Variants in PAPPA observed in about 807,000 individuals in gnomAD.
PAPPA encodes pappalysin-1.
In PAPPA, 60 loss-of-function variants were observed where a neutral mutation model predicts 164.0. The observed-to-expected ratio is 0.37, with a 90% CI of 0.30 to 0.45. PAPPA has a LOEUF of 0.45. PAPPA is among the 20% of genes least tolerant of loss of function. The probability of loss-of-function intolerance (pLI) is 1.00; values close to 1 mark genes in which losing one functional copy is unlikely to be tolerated. For missense variants in PAPPA, 1,782 were observed against 2,087.3 expected (o/e 0.85, Z 2.85); for synonymous variants, 875 against 814.1 (o/e 1.07, Z -1.27).
intron 9 of PAPPA, among the ~76,000 whole-genome samples, chr9:116,289,426 A>G (rs187003086): frequency 0.055 from 7,433 of 134,120 alleles, 319 homozygotes; most frequent in South Asian, 0.11. Flanking sequence ...TATAGCATAT[A>G]TATATATAGA....
chr9:116,264,580 C>T (rs1387497310), intron 7 of PAPPA, among the ~76,000 whole-genome samples: 2 of 152,150 alleles, frequency 1.3e-5, no homozygotes, highest in Non-Finnish European at 2.9e-5. Flanking sequence ...TCTTGTTGGC[C>T]TTAACCAAAC....
intron 21 of PAPPA, among the ~76,000 whole-genome samples, chr9:116,389,390 G>A (rs1358637944): frequency 6.6e-6 from 1 of 152,024 alleles, no homozygotes; most frequent in Non-Finnish European, 1.5e-5. Context: ...TTTAAATCCA[G>A]TCAGATCATA....
At chr9:116,233,302 T>C (rs569527374) in intron 6 of PAPPA, among the ~76,000 whole-genome samples, 3 of 152,340 alleles carry the variant, frequency 2.0e-5, no homozygotes, top group Admixed American at 1.3e-4. Flanking sequence ...AGGAGATGTG[T>C]TTCATATACT....
In PAPPA at chr9:116,347,223, C is replaced by A; in HGVS notation, c.3964+14C>A. The A allele has an allele frequency of 6.3e-7, 1 of 1,591,440 alleles. No individual in the cohort carries two copies. ...CACAATTGAAAGGTATCAAGAACGC[C>A]TTCCCCAGCTCAGCCTTCCTTTGTC... On this transcript the variant is annotated intron_variant, in intron 15 of 21. Coordinates refer to ENST00000328252, the MANE Select transcript of PAPPA (RefSeq NM_002581.5). The surrounding 1 kb of genome is among the most constrained non-coding windows in gnomAD (Gnocchi z 4.5).
At chr9:116,231,649 G>C (rs1389275475) in intron 6 of PAPPA, among the ~76,000 whole-genome samples, 1 of 146,338 alleles carries the variant, frequency 6.8e-6, no homozygotes, top group Non-Finnish European at 1.5e-5. Flanking sequence ...TGAATGCATG[G>C]AATGAATGGG....
At chr9:116,158,066 C>T (rs1004106801) in intron 1 of PAPPA, among the ~76,000 whole-genome samples, 11 of 152,192 alleles carry the variant, frequency 7.2e-5, no homozygotes, top group Admixed American at 2.0e-4. Flanking sequence ...GTCCCACTCC[C>T]CTTGCCTTAG....
intron 7 of PAPPA, among the ~76,000 whole-genome samples, chr9:116,260,253 C>G (rs1844985601): frequency 6.6e-6 from 1 of 152,058 alleles, no homozygotes; most frequent in Non-Finnish European, 1.5e-5. Flanking sequence ...AAATATGGCA[C>G]AATGTTATAA....
At chr9:116,391,696 C>G (rs1486592166) in intron 21 of PAPPA, among the ~76,000 whole-genome samples, 1 of 152,242 alleles carries the variant, frequency 6.6e-6, no homozygotes, top group South Asian at 2.1e-4. Flanking sequence ...AGGAGAGAAT[C>G]CTGGCCCTTA....
intron 12 of PAPPA, chr9:116,332,813 G>T: frequency 5.3e-6 from 1 of 189,314 alleles, no homozygotes; most frequent in East Asian, 1.3e-4. Context: ...GAGACCCAAA[G>T]AGAGGCACTG....
At chr9:116,359,105 T>C (rs1846390173) in intron 17 of PAPPA, among the ~76,000 whole-genome samples, 1 of 152,184 alleles carries the variant, frequency 6.6e-6, no homozygotes, top group African/African-American at 2.4e-5. Flanking sequence ...GTTGCCAAGC[T>C]TGCATTTGAA....
intron 10 of PAPPA, among the ~76,000 whole-genome samples, chr9:116,308,889 A>C (rs1484841292): frequency 6.6e-6 from 1 of 152,182 alleles, no homozygotes; most frequent in Non-Finnish European, 1.5e-5. Context: ...TGCATGTAAA[A>C]ATTATTTCTT....
At chr9:116,267,185 A>C (rs1011448530) in intron 8 of PAPPA, among the ~76,000 whole-genome samples, 6 of 152,230 alleles carry the variant, frequency 3.9e-5, no homozygotes, top group Non-Finnish European at 8.8e-5. Context: ...CTTTCTGTTC[A>C]TCACTAACAC....
chr9:116,337,813 A>C (rs1315921119), intron 13 of PAPPA, among the ~76,000 whole-genome samples: 1 of 152,040 alleles, frequency 6.6e-6, no homozygotes, highest in Non-Finnish European at 1.5e-5. Context: ...TAGCAAAACC[A>C]GTTTGGGCAA....
chr9:116,161,163 G>T (rs10217305), intron 1 of PAPPA, among the ~76,000 whole-genome samples: 1 of 152,080 alleles, frequency 6.6e-6, no homozygotes, highest in African/African-American at 2.4e-5. Flanking sequence ...CTTTTATTAT[G>T]ATCATTCACA....
chr9:116,398,591 A>T lies in PAPPA; in HGVS notation c.*1975A>T. 8.0e-7 allele frequency: 1 copy of T among 1,253,872 alleles called. No homozygotes were observed. Among genetic ancestry groups the T allele is most frequent in the Non-Finnish European group, 1.0e-6 (1 of 956,506 alleles). The allele number at this position is 1,253,872 out of a possible 1,614,324, so 77.7% of individuals were successfully genotyped here. ...ACACTTGAGAAGACATCTATTGGCC[A>T]TCTCTGGCCAATTACACTAAGAAAC... On this transcript the variant is annotated 3_prime_UTR_variant, in exon 22 of 22. Coordinates refer to ENST00000328252, the MANE Select transcript of PAPPA (RefSeq NM_002581.5).
At chr9:116,374,756 C>T (rs1303223483) in intron 19 of PAPPA, among the ~76,000 whole-genome samples, 1 of 152,166 alleles carries the variant, frequency 6.6e-6, no homozygotes, top group Non-Finnish European at 1.5e-5. Flanking sequence ...TGAACCTTTA[C>T]CAAATGCCCT....
chr9:116,212,962 T>G (rs928542089), intron 4 of PAPPA, among the ~76,000 whole-genome samples: 33 of 152,214 alleles, frequency 2.2e-4, no homozygotes, highest in Admixed American at 6.5e-4. Context: ...TGAAGCTCAC[T>G]GAAATCATTT....
At chr9:116,368,925 C>T (rs898191346) in intron 19 of PAPPA, among the ~76,000 whole-genome samples, 2 of 152,156 alleles carry the variant, frequency 1.3e-5, no homozygotes, top group African/African-American at 2.4e-5. Context: ...ATAGACCTGG[C>T]CAGACCTCCT....
chr9:116,184,691 A>G (rs961908257), intron 1 of PAPPA, among the ~76,000 whole-genome samples: 2 of 152,226 alleles, frequency 1.3e-5, no homozygotes, highest in African/African-American at 4.8e-5. Flanking sequence ...ATCAAAATTC[A>G]AAGTAAATTA....
Sources: allele counts gnomAD v4.1 joint callset (sites outside exome capture counted in the v4.1 genomes callset), GRCh38; gene constraint gnomAD v4.1.1; non-coding constraint Gnocchi (gnomAD v3.1); transcripts MANE v1.5; gene names NCBI Gene and HGNC (gene_info 2026-07-23, HGNC 2026-07-21).